The following MIDEAS variants were observed in gnomAD, a reference collection of about 807,000 sequenced individuals.
MIDEAS encodes the protein mitotic deacetylase associated SANT domain protein, also known as mitotic deacetylase-associated SANT domain protein.
MIDEAS carries 26 observed loss-of-function variants against 102.7 expected under a neutral mutation model. The observed-to-expected ratio is 0.25, with a 90% confidence interval of 0.19 to 0.35. The LOEUF (loss-of-function observed/expected upper bound fraction) is 0.35, where lower values mean the gene tolerates loss of function less well. Ranked by LOEUF, MIDEAS falls within the 10% of genes least tolerant of loss-of-function variation. The pLI is 1.00. For synonymous variants in MIDEAS, 585 were observed against 591.0 expected, an observed-to-expected ratio of 0.99 and a Z score of 0.15; for missense variants, 1,231 against 1,435.6, an observed-to-expected ratio of 0.86 and a Z score of 2.30.
intron 4 of MIDEAS, chr14:73,728,967 G>A (rs1453825251): frequency 6.6e-6 from 1 of 152,260 alleles, no homozygotes; most frequent in Non-Finnish European, 1.5e-5. Context: ...AAGGTTAATT[G>A]GCCAAAGGCA....
chr14:73,740,202 C>A lies in MIDEAS; in HGVS notation c.-194G>T. On this transcript the variant is annotated 5_prime_UTR_variant, in exon 2 of 13. Coordinates refer to ENST00000423556, the MANE Select transcript of MIDEAS (RefSeq NM_001367710.1). Reference sequence around the variant, plus strand: ...GCTCTTCCTTTCTCTTCCAGAGAGGCTCTGGGGCTCAGCTACTCTTCCCAG... The same window carrying A: ...GCTCTTCCTTTCTCTTCCAGAGAGGATCTGGGGCTCAGCTACTCTTCCCAG... The A allele has an allele frequency of 1.7e-6, 1 of 592,712 alleles. No individual in the cohort carries two copies. Among genetic ancestry groups the A allele is most frequent in the Non-Finnish European group, 2.5e-6 (1 of 397,334 alleles). The allele number at this position is 592,712 out of a possible 1,614,324, so 36.7% of individuals were successfully genotyped here. A position where few individuals can be genotyped will look rare whatever the true frequency, so the allele number is the denominator to read the frequency against.
At chr14:73,770,460 C>T (rs1171074060) in intron 1 of MIDEAS, among the ~76,000 whole-genome samples, 1 of 152,042 alleles carries the variant, frequency 6.6e-6, no homozygotes, top group African/African-American at 2.4e-5. Context: ...GGCAGGTAGG[C>T]CCAGGCCCCT....
Position 73,725,082 on chromosome 14 carries a change from T to G in MIDEAS, c.2574+190A>C. ...ACCCTACCCTGAAGTGAGGAAAGGA[T>G]GCTTAGAACCAAAAGGGAAAAGAGA... On this transcript the variant is annotated intron_variant, in intron 9 of 12. Coordinates refer to ENST00000423556, the MANE Select transcript of MIDEAS (RefSeq NM_001367710.1). This position sits in a 1 kb window ranked among gnomAD's most constrained non-coding sequence, Gnocchi z 4.1. 1.9e-6 allele frequency: 1 copy of G among 536,990 alleles called. No homozygotes were observed. The highest frequency in any genetic ancestry group is 3.4e-6 in the Non-Finnish European group (1 of 295,068). The allele number at this position is 536,990 out of a possible 1,614,324, so 33.3% of individuals were successfully genotyped here.
chr14:73,717,261 C>G lies in MIDEAS; in HGVS notation c.*1582G>C, dbSNP rs2052906047. 2 of 152,238 alleles carry G rather than the reference C, an allele frequency of 1.3e-5. No homozygotes were observed. The highest frequency in any genetic ancestry group is 6.5e-5 in the Admixed American group (1 of 15,274). The allele number at this position is 152,238 out of a possible 1,614,324, so 9.4% of individuals were successfully genotyped here. ...TCATACGCGCATTCACTTAGAATTT[C>G]TTTTGCACAACTAAAGTTGAATAAG... On this transcript the variant is annotated 3_prime_UTR_variant, in exon 13 of 13. Transcript: ENST00000423556.
upstream of MIDEAS, chr14:73,789,213 C>T (rs755078744): frequency 3.3e-5 from 5 of 151,924 alleles, no homozygotes; most frequent in Non-Finnish European, 7.4e-5. Context: ...TGTGATCTTA[C>T]TTCTGAGACT....
chr14:73,773,277 G>T (rs1187557849), intron 1 of MIDEAS, among the ~76,000 whole-genome samples: 1 of 151,816 alleles, frequency 6.6e-6, no homozygotes, highest in Non-Finnish European at 1.5e-5. Context: ...GCTCCTCAGC[G>T]TCCCTGCTAT....
intron 1 of MIDEAS, among the ~76,000 whole-genome samples, chr14:73,770,351 G>C (rs1049819090): frequency 1.5e-5 from 2 of 137,610 alleles, no homozygotes; most frequent in Admixed American, 1.6e-4. Flanking sequence ...CGACGGTGAT[G>C]ATGATGATGA....
chr14:73,751,424 G>C (rs1447361877), intron 1 of MIDEAS, among the ~76,000 whole-genome samples: 1 of 152,202 alleles, frequency 6.6e-6, no homozygotes, highest in Admixed American at 6.5e-5. Context: ...CTGAGATGTG[G>C]CTGGTCGGGT....
upstream of MIDEAS, among the ~76,000 whole-genome samples, chr14:73,762,432 T>C (rs1182032076): frequency 6.6e-6 from 1 of 152,110 alleles, no homozygotes; most frequent in Non-Finnish European, 1.5e-5. Context: ...CGCCCTTCAC[T>C]ACAGCTAAAC....
At chr14:73,734,768 T>C (rs1019814146) in intron 3 of MIDEAS, among the ~76,000 whole-genome samples, 22 of 152,286 alleles carry the variant, frequency 1.4e-4, no homozygotes, top group African/African-American at 4.3e-4. Flanking sequence ...CTATGTCCCA[T>C]CCTTCAGATA....
intron 1 of MIDEAS, among the ~76,000 whole-genome samples, chr14:73,749,460 C>T (rs1479428239): frequency 6.6e-6 from 1 of 151,166 alleles, no homozygotes; most frequent in African/African-American, 2.4e-5. Flanking sequence ...TGCTCGGGCC[C>T]AGGAGGTTGA....
intron 1 of MIDEAS, among the ~76,000 whole-genome samples, chr14:73,752,988 C>A (rs8007812): frequency 6.6e-6 from 1 of 152,226 alleles, no homozygotes; most frequent in Non-Finnish European, 1.5e-5. Flanking sequence ...CCAAAGATTC[C>A]ACCTAGCCCC....
At chr14:73,757,221 G>T (rs1188538000) in intron 1 of MIDEAS, among the ~76,000 whole-genome samples, 3 of 134,890 alleles carry the variant, frequency 2.2e-5, no homozygotes, top group African/African-American at 8.5e-5. Context: ...GCAGCGACCT[G>T]AGATCGCACT....
chr14:73,779,814 T>C (rs2053733590), intron 1 of MIDEAS, among the ~76,000 whole-genome samples: 2 of 147,424 alleles, frequency 1.4e-5, no homozygotes, highest in African/African-American at 2.5e-5. Context: ...CCTGACCTCA[T>C]GATCCACCCG....
intron 1 of MIDEAS, among the ~76,000 whole-genome samples, chr14:73,752,668 G>GACTC (rs1425542826): frequency 6.6e-6 from 1 of 152,182 alleles, no homozygotes; most frequent in East Asian, 1.9e-4. Flanking sequence ...ACGCCCATTT[G>GACTC]ACTCCAGAGC....
intron 1 of MIDEAS, among the ~76,000 whole-genome samples, chr14:73,769,253 G>A (rs1238030527): frequency 2.0e-5 from 3 of 152,240 alleles, no homozygotes; most frequent in East Asian, 1.9e-4. Context: ...GGTGGGGCCA[G>A]TGAGGAAGAG....
At chr14:73,724,413 CTTTG>C (rs1349495870) in intron 9 of MIDEAS, 1 of 152,216 alleles carries the variant, frequency 6.6e-6, no homozygotes, top group Non-Finnish European at 1.5e-5. Flanking sequence ...CTCTCTGACC[CTTTG>C]TTTGACTGAC....
At chr14:73,724,927 CT>C in intron 9 of MIDEAS, 1 of 234,008 alleles carries the variant, frequency 4.3e-6, no homozygotes, top group Non-Finnish European at 8.7e-6. Flanking sequence ...CCAGGGTGCC[CT>C]CCCCCTGCAT....
chr14:73,784,044 T>C (rs1422563261), intron 1 of MIDEAS, among the ~76,000 whole-genome samples: 4 of 152,246 alleles, frequency 2.6e-5, no homozygotes, highest in Non-Finnish European at 4.4e-5. Flanking sequence ...TTGGCTTCTC[T>C]CAGTGGCACC....
Sources: gnomAD v4.1 joint callset for allele counts (sites outside exome capture counted in the v4.1 genomes callset) on GRCh38, gnomAD v4.1.1 for gene constraint, Gnocchi (gnomAD v3.1) non-coding constraint, MANE v1.5 for transcripts, NCBI Gene and HGNC (gene_info 2026-07-23, HGNC 2026-07-21) for gene names.